Variants in SBF2 observed in about 807,000 individuals in gnomAD.
SBF2 encodes the protein myotubularin-related protein 13.
A neutral mutation model predicts 225.2 loss-of-function variants in SBF2; 112 were observed. That is an observed-to-expected ratio of 0.50 (90% CI 0.43 to 0.58). The LOEUF is 0.58. Ranked by LOEUF, SBF2 falls within the 20% of genes least tolerant of loss-of-function variation. SBF2 has a pLI of 0.00. For synonymous variants in SBF2, 763 were observed against 773.3 expected (o/e 0.99, Z 0.22); for missense variants, 1,996 against 2,206.2 (o/e 0.90, Z 1.91).
chr11:10,213,998 T>C (rs1958034458), intron 1 of SBF2, among the ~76,000 whole-genome samples: 1 of 152,238 alleles, frequency 6.6e-6, no homozygotes, highest in African/African-American at 2.4e-5. Flanking sequence ...CAAAAGACTC[T>C]TTTAAGCCAA....
At chr11:9,896,408 A>AT (rs548078106) in intron 16 of SBF2, among the ~76,000 whole-genome samples, 2 of 152,014 alleles carry the variant, frequency 1.3e-5, no homozygotes, top group South Asian at 2.1e-4. Context: ...TCTAAGATAC[A>AT]TTTTTTTGCA....
intron 13 of SBF2, among the ~76,000 whole-genome samples, chr11:9,982,507 T>TAAC (rs1947002117): frequency 6.6e-6 from 1 of 152,254 alleles, no homozygotes. Flanking sequence ...GCTTTCTAGT[T>TAAC]CTGTGAACAA....
chr11:9,822,221 A>T (rs1200820845), intron 28 of SBF2, among the ~76,000 whole-genome samples: 1 of 150,632 alleles, frequency 6.6e-6, no homozygotes, highest in East Asian at 2.0e-4. Flanking sequence ...CACAGTAAGT[A>T]GTGGGACTAT....
At chr11:10,179,578 G>C (rs1057365103) in intron 2 of SBF2, among the ~76,000 whole-genome samples, 1 of 151,988 alleles carries the variant, frequency 6.6e-6, no homozygotes, top group African/African-American at 2.4e-5. Flanking sequence ...TTTCTTTATT[G>C]AACTTTCTGT....
chr11:9,789,415 T>TAA (rs1193688590), intron 34 of SBF2, 73 bp from the exon 35 acceptor site: 1 of 1,033,674 alleles, frequency 9.7e-7, no homozygotes, highest in Non-Finnish European at 1.5e-6. Flanking sequence ...GGCAAACCCC[T>TAA]AACATTTATA....
At chr11:10,151,817 A>G (rs1189066878) in intron 2 of SBF2, among the ~76,000 whole-genome samples, 1 of 152,190 alleles carries the variant, frequency 6.6e-6, no homozygotes, top group Non-Finnish European at 1.5e-5. Context: ...AAATAGGTCT[A>G]TTGCTGTCAC....
chr11:10,001,137 T>C (rs1052140031), intron 7 of SBF2, 115 bp from the exon 8 acceptor site: 1 of 658,106 alleles, frequency 1.5e-6, no homozygotes, highest in Non-Finnish European at 2.7e-6. Context: ...TTATCAATAA[T>C]GTTTTCATGC....
At chr11:10,112,263 G>C (rs995661315) in intron 2 of SBF2, among the ~76,000 whole-genome samples, 1 of 152,130 alleles carries the variant, frequency 6.6e-6, no homozygotes, top group Non-Finnish European at 1.5e-5. Context: ...ACCTTGAATT[G>C]TAACTCCCAC....
chr11:9,904,032 A>G (rs1021550121), intron 16 of SBF2, among the ~76,000 whole-genome samples: 2 of 152,080 alleles, frequency 1.3e-5, no homozygotes, highest in Admixed American at 6.6e-5. Context: ...CTGCCCAACT[A>G]TCACCTGACA....
At chr11:9,787,276 GT>G (rs1852436491) in intron 36 of SBF2, among the ~76,000 whole-genome samples, 1 of 152,300 alleles carries the variant, frequency 6.6e-6, no homozygotes, top group African/African-American at 2.4e-5. Context: ...ATATTTTGTT[GT>G]TTTAAAATAC....
At chr11:10,300,291 G>T (rs1359091517) in intron 1 of SBF2, among the ~76,000 whole-genome samples, 1 of 152,198 alleles carries the variant, frequency 6.6e-6, no homozygotes, top group Non-Finnish European at 1.5e-5. Flanking sequence ...ACTTAGCACA[G>T]TGCTGGGTAT....
intron 16 of SBF2, among the ~76,000 whole-genome samples, chr11:9,912,515 G>A (rs932353828): frequency 5.3e-5 from 8 of 152,182 alleles, no homozygotes; most frequent in Non-Finnish European, 1.0e-4. Flanking sequence ...CTGGGATGCG[G>A]AGGTTGCAGT....
rs2134363068 is a variant in SBF2, at chr11:9,961,962, G to C, written c.1855C>G (p.Leu619Val). 1 of 1,612,954 alleles carries C rather than the reference G, an allele frequency of 6.2e-7. No individual in the cohort carries two copies. Among genetic ancestry groups the C allele is most frequent in the Non-Finnish European group, 8.5e-7 (1 of 1,179,220 alleles). The change falls in exon 16 of 40, where the codon CTA becomes GTA. Residue 619 changes from leucine (L) to valine (V), a missense_variant. Physicochemically the swap from Leu to Val is conservative, Grantham distance 32. Transcript: ENST00000256190. ...CTGAAAGAACTACAAATTACCTGTA[G>C]AGTACAATTCATCATCCTTATTATG... ...DYIIRMMNCT[L>V]QDCSSLEEYN... is the part of the protein sequence containing the mutation.
chr11:10,224,926 C>T (rs780090421), intron 1 of SBF2, among the ~76,000 whole-genome samples: 4 of 152,114 alleles, frequency 2.6e-5, no homozygotes, highest in Non-Finnish European at 2.9e-5. Context: ...ATGGCTAATA[C>T]AATAAGAGTA....
intron 6 of SBF2, among the ~76,000 whole-genome samples, chr11:10,025,681 C>T (rs1949025737): frequency 6.6e-6 from 1 of 152,110 alleles, no homozygotes; most frequent in African/African-American, 2.4e-5. Context: ...CTCACTGCAA[C>T]CTCCTCCTCC....
intron 1 of SBF2, among the ~76,000 whole-genome samples, chr11:10,204,262 C>T (rs1231246849): frequency 6.8e-6 from 1 of 146,812 alleles, no homozygotes; most frequent in African/African-American, 2.5e-5. Context: ...AAAAAATCAA[C>T]CAAACGTTTT....
chr11:9,953,186 C>T (rs1865960368), intron 16 of SBF2, among the ~76,000 whole-genome samples: 1 of 152,204 alleles, frequency 6.6e-6, no homozygotes, highest in Admixed American at 6.5e-5. Flanking sequence ...TGGCTTATGC[C>T]TGTAATCCCA....
At chr11:10,011,663 T>A (rs1433745471) in intron 6 of SBF2, among the ~76,000 whole-genome samples, 1 of 152,232 alleles carries the variant, frequency 6.6e-6, no homozygotes, top group Non-Finnish European at 1.5e-5. Context: ...CTTTCAGTGC[T>A]TTTAATATGT....
intron 1 of SBF2, among the ~76,000 whole-genome samples, chr11:10,235,613 G>C (rs369864759): frequency 4.0e-5 from 6 of 151,238 alleles, no homozygotes; most frequent in African/African-American, 1.5e-4. Flanking sequence ...TCCCTTTTTG[G>C]AAAAATTAGA....
Sources: gnomAD v4.1 joint callset for allele counts (sites outside exome capture counted in the v4.1 genomes callset) on GRCh38, gnomAD v4.1.1 for gene constraint, MANE v1.5 for transcripts, NCBI Gene and HGNC (gene_info 2026-07-23, HGNC 2026-07-21) for gene names.